CNTNAP2: variants seen among roughly 807,000 people sequenced by gnomAD.
The protein encoded by CNTNAP2 is contactin associated protein 2.
In CNTNAP2, 98 loss-of-function variants were observed where a neutral mutation model predicts 155.2. That is an observed-to-expected ratio of 0.63 (90% CI 0.54 to 0.75). The LOEUF (loss-of-function observed/expected upper bound fraction) is 0.75, where lower values mean the gene tolerates loss of function less well. Ranked by LOEUF, CNTNAP2 falls within the 30% of genes least tolerant of loss-of-function variation. CNTNAP2 has a pLI of 0.00. For missense variants in CNTNAP2, 1,727 were observed against 1,688.1 expected, an observed-to-expected ratio of 1.02 and a Z score of -0.40; for synonymous variants, 651 against 631.2, an observed-to-expected ratio of 1.03 and a Z score of -0.47.
chr7:146,389,789 C>T (rs947034394), intron 1 of CNTNAP2, among the ~76,000 whole-genome samples: 1 of 151,098 alleles, frequency 6.6e-6, no homozygotes, highest in African/African-American at 2.4e-5. Context: ...CAAGCTCTGC[C>T]TTCCGGGTTC....
intron 3 of CNTNAP2, among the ~76,000 whole-genome samples, chr7:146,869,987 TATTTTTGCTGAGG>T (rs1795274373): frequency 6.6e-6 from 1 of 152,152 alleles, no homozygotes; most frequent in East Asian, 1.9e-4. Flanking sequence ...AATTTGCAAG[TATTTTTGCTGAGG>T]ATTTTTGCAT....
intron 1 of CNTNAP2, among the ~76,000 whole-genome samples, chr7:146,695,227 T>C (rs1481140953): frequency 6.6e-6 from 1 of 152,102 alleles, no homozygotes; most frequent in East Asian, 1.9e-4. Context: ...AACTACGTTT[T>C]TGTAGATATC....
intron 15 of CNTNAP2, among the ~76,000 whole-genome samples, chr7:148,040,841 A>ACTT (rs1802660759): frequency 6.7e-6 from 1 of 149,788 alleles, no homozygotes; most frequent in Non-Finnish European, 1.5e-5. Flanking sequence ...AAGAGAGCAA[A>ACTT]TTTTTTTTTT....
intron 20 of CNTNAP2, among the ~76,000 whole-genome samples, chr7:148,234,185 C>G (rs1796010796): frequency 6.6e-6 from 1 of 152,166 alleles, no homozygotes; most frequent in Admixed American, 6.5e-5. Context: ...AAGATGCAAC[C>G]TGCCCAAAGT....
Position 146,480,224 on chromosome 7 carries a change from A to G in CNTNAP2, c.98-294047A>G, listed in dbSNP as rs113733554. Among the ~76,000 whole-genome samples the G allele has an allele frequency of 6.0e-3, 917 of 152,346 alleles. 9 individuals are homozygous for G. Among genetic ancestry groups the G allele is most frequent in the African/African-American group, 0.02 (843 of 41,576 alleles). The stretch of plus-strand genomic sequence containing the variant: ...TAATAGATAAACCTAAGAGGAAAAT[A>G]TAAAGTCCAAAAGGGTAAATTTCTA... On this transcript the variant is annotated intron_variant, in intron 1 of 23. Coordinates refer to ENST00000361727, the MANE Select transcript of CNTNAP2 (RefSeq NM_014141.6).
chr7:146,932,699 G>T (rs1042785360), intron 3 of CNTNAP2, among the ~76,000 whole-genome samples: 3 of 152,280 alleles, frequency 2.0e-5, no homozygotes, highest in African/African-American at 7.2e-5. Context: ...CATTGTCTCA[G>T]CCCAAAATCT....
chr7:148,140,119 C>T (rs1805030138), intron 16 of CNTNAP2, among the ~76,000 whole-genome samples: 2 of 152,128 alleles, frequency 1.3e-5, no homozygotes, highest in African/African-American at 2.4e-5. Context: ...ATGGCAGAGT[C>T]CAGGAACAGT....
intron 13 of CNTNAP2, among the ~76,000 whole-genome samples, chr7:147,758,998 A>G (rs1031830394): frequency 1.3e-5 from 2 of 152,160 alleles, no homozygotes; most frequent in Non-Finnish European, 2.9e-5. Flanking sequence ...CAATCTCTCA[A>G]GGTAATAAGG....
chr7:146,736,527 A>G (rs182288796), intron 1 of CNTNAP2, among the ~76,000 whole-genome samples: 6 of 152,284 alleles, frequency 3.9e-5, no homozygotes, highest in South Asian at 2.1e-4. Flanking sequence ...TTATTTACCT[A>G]TCTTTCATGA....
At chr7:146,717,760 G>GT (rs112717897) in intron 1 of CNTNAP2, among the ~76,000 whole-genome samples, 2,104 of 151,278 alleles carry the variant, frequency 0.014, 54 homozygotes, top group African/African-American at 0.048. Context: ...ATTAATTGAG[G>GT]TTTTTTTTTG....
At chr7:147,046,436 T>C (rs551432650) in intron 4 of CNTNAP2, among the ~76,000 whole-genome samples, 1 of 152,346 alleles carries the variant, frequency 6.6e-6, no homozygotes, top group East Asian at 1.9e-4. Flanking sequence ...TGTGCTGATA[T>C]TAGAGATATT....
At chr7:147,006,578 T>C (rs988508601) in intron 3 of CNTNAP2, among the ~76,000 whole-genome samples, 5 of 152,016 alleles carry the variant, frequency 3.3e-5, no homozygotes, top group Non-Finnish European at 5.9e-5. Context: ...ATAAAATGCA[T>C]ATTCAGAAAA....
chr7:147,971,576 C>T (rs985993435), intron 14 of CNTNAP2, among the ~76,000 whole-genome samples: 2 of 152,124 alleles, frequency 1.3e-5, no homozygotes, highest in Admixed American at 6.6e-5. Context: ...TGGCTTCTTT[C>T]ACTTAGCATA....
intron 1 of CNTNAP2, among the ~76,000 whole-genome samples, chr7:146,478,797 A>C (rs2129128065): frequency 6.6e-6 from 1 of 152,166 alleles, no homozygotes; most frequent in South Asian, 2.1e-4. Context: ...GAAAAGTGAA[A>C]GTTTTGGGGG....
intron 1 of CNTNAP2, among the ~76,000 whole-genome samples, chr7:146,371,909 A>G (rs1209129550): frequency 6.6e-6 from 1 of 151,624 alleles, no homozygotes; most frequent in Non-Finnish European, 1.5e-5. Flanking sequence ...CAGTAAGCCA[A>G]GATCGCGCCA....
chr7:146,586,360 A>T (rs1798691111), intron 1 of CNTNAP2, among the ~76,000 whole-genome samples: 2 of 152,170 alleles, frequency 1.3e-5, no homozygotes, highest in African/African-American at 4.8e-5. Context: ...CCTCATCCTT[A>T]ATCAAAGTGT....
intron 8 of CNTNAP2, among the ~76,000 whole-genome samples, chr7:147,176,796 TTATA>T (rs1802353944): frequency 8.1e-6 from 1 of 123,938 alleles, no homozygotes; most frequent in Non-Finnish European, 1.6e-5. Context: ...TAATTATATA[TTATA>T]ATATATAATA....
At chr7:148,196,368 G>C (rs1009044407) in intron 18 of CNTNAP2, among the ~76,000 whole-genome samples, 1 of 152,180 alleles carries the variant, frequency 6.6e-6, no homozygotes, top group Non-Finnish European at 1.5e-5. Context: ...AGGGATAGAA[G>C]AGTTCGCTGC....
intron 1 of CNTNAP2, among the ~76,000 whole-genome samples, chr7:146,559,326 T>C (rs1798245906): frequency 6.6e-6 from 1 of 152,068 alleles, no homozygotes. Context: ...TCCCAGCACC[T>C]TGAGAGGCCG....
Sources: gnomAD v4.1 joint callset for allele counts (sites outside exome capture counted in the v4.1 genomes callset) on GRCh38, gnomAD v4.1.1 for gene constraint, MANE v1.5 for transcripts, NCBI Gene and HGNC (gene_info 2026-07-23, HGNC 2026-07-21) for gene names.